Variants in SUCLG2 observed in about 807,000 individuals in gnomAD.
The protein encoded by SUCLG2 is succinate-CoA ligase GDP-forming subunit beta, also known as succinate--CoA ligase [GDP-forming] subunit beta, mitochondrial.
A neutral mutation model predicts 47.9 loss-of-function variants in SUCLG2; 42 were observed. The ratio of observed to expected loss-of-function variants is 0.88; its 90% CI spans 0.69 to 1.14. The LOEUF (loss-of-function observed/expected upper bound fraction) is 1.14. Ranked by LOEUF, SUCLG2 falls within the 50% of genes most tolerant of loss-of-function variation. The pLI is 0.00. For synonymous variants in SUCLG2, 195 were observed against 197.3 expected, an observed-to-expected ratio of 0.99 and a Z score of 0.10; for missense variants, 571 against 525.9, an observed-to-expected ratio of 1.09 and a Z score of -0.84.
At chr3:67,462,251 T>C (rs2106960382) in intron 9 of SUCLG2, among the ~76,000 whole-genome samples, 1 of 152,190 alleles carries the variant, frequency 6.6e-6, no homozygotes, top group South Asian at 2.1e-4. Context: ...ACTAAAAATA[T>C]ACTCTAATCT....
intron 4 of SUCLG2, among the ~76,000 whole-genome samples, chr3:67,522,602 C>G (rs544789372): frequency 6.6e-6 from 1 of 151,822 alleles, no homozygotes; most frequent in South Asian, 2.1e-4. Context: ...TAAAAACAAT[C>G]CCATAAATAA....
intron 9 of SUCLG2, among the ~76,000 whole-genome samples, chr3:67,410,644 C>A (rs1347609910): frequency 6.6e-6 from 1 of 151,742 alleles, no homozygotes; most frequent in Non-Finnish European, 1.5e-5. Context: ...CATGCAAAAA[C>A]TACCATAATG....
intron 2 of SUCLG2, among the ~76,000 whole-genome samples, chr3:67,529,609 G>T (rs1016780277): frequency 1.2e-4 from 18 of 152,352 alleles, no homozygotes; most frequent in African/African-American, 4.3e-4. Flanking sequence ...GGATTATGCG[G>T]GGGAAGGTTT....
At chr3:67,536,447 G>A (rs1193108376) in intron 2 of SUCLG2, among the ~76,000 whole-genome samples, 2 of 152,134 alleles carry the variant, frequency 1.3e-5, no homozygotes, top group African/African-American at 2.4e-5. Flanking sequence ...CACAACTACT[G>A]TCCAGAATCT....
chr3:67,441,918 A>G lies in SUCLG2; in HGVS notation c.1063-41067T>C, dbSNP rs149572083. ...AAACACTTTGCCATCTTTCTTTCCC[A>G]TCAGTATCTTGTTCTGAAATATATA... On this transcript the variant is annotated intron_variant, in intron 9 of 10. Coordinates refer to ENST00000307227, the MANE Select transcript of SUCLG2 (RefSeq NM_003848.4). 1.9e-3 allele frequency among the ~76,000 whole-genome samples: 296 copies of G among 152,310 alleles called. 1 individual carries two copies. Among genetic ancestry groups the G allele is most frequent in the African/African-American group, 6.7e-3 (279 of 41,572 alleles).
chr3:67,652,160 G>GAA (rs778689684), intron 1 of SUCLG2, among the ~76,000 whole-genome samples: 3 of 99,326 alleles, frequency 3.0e-5, no homozygotes, highest in African/African-American at 7.4e-5. Flanking sequence ...CAGCAAAGGT[G>GAA]AAAAAAAAAA....
intron 1 of SUCLG2, among the ~76,000 whole-genome samples, chr3:67,611,448 C>T (rs1412818400): frequency 6.6e-6 from 1 of 152,132 alleles, no homozygotes; most frequent in Non-Finnish European, 1.5e-5. Flanking sequence ...AATGAACATA[C>T]TCAAAGGCTT....
intron 1 of SUCLG2, among the ~76,000 whole-genome samples, chr3:67,643,799 CCCAAGT>C (rs1329884451): frequency 6.6e-6 from 1 of 152,202 alleles, no homozygotes; most frequent in African/African-American, 2.4e-5. Context: ...GACTCAGCCT[CCCAAGT>C]AGCTGGAATT....
At chr3:67,612,606 T>A (rs1700550110) in intron 1 of SUCLG2, among the ~76,000 whole-genome samples, 1 of 152,224 alleles carries the variant, frequency 6.6e-6, no homozygotes, top group Non-Finnish European at 1.5e-5. Context: ...TCAGGAAATG[T>A]CAAGAATTAT....
chr3:67,649,971 T>C (rs1185199326), intron 1 of SUCLG2, among the ~76,000 whole-genome samples: 1 of 152,156 alleles, frequency 6.6e-6, no homozygotes, highest in Non-Finnish European at 1.5e-5. Flanking sequence ...GTCTGTGCAC[T>C]CAATCACTCA....
chr3:67,587,255 A>T (rs543165272), intron 2 of SUCLG2, among the ~76,000 whole-genome samples: 1 of 152,286 alleles, frequency 6.6e-6, no homozygotes, highest in Non-Finnish European at 1.5e-5. Context: ...ACTCATCTTA[A>T]AAATATTTAA....
At chr3:67,402,725 G>T (rs1702715192) in intron 9 of SUCLG2, among the ~76,000 whole-genome samples, 1 of 152,206 alleles carries the variant, frequency 6.6e-6, no homozygotes, top group African/African-American at 2.4e-5. Flanking sequence ...TGGCATTCTA[G>T]TAAAACACAC....
chr3:67,380,161 AG>A (rs2106765896), intron 10 of SUCLG2, among the ~76,000 whole-genome samples: 1 of 129,360 alleles, frequency 7.7e-6, no homozygotes, highest in South Asian at 2.5e-4. Context: ...TGCAATCAGG[AG>A]GGATTTTTTT....
At chr3:67,583,190 T>C (rs4380422) in intron 2 of SUCLG2, among the ~76,000 whole-genome samples, 142,713 of 151,960 alleles carry the variant, frequency 0.94, 67,656 homozygotes, top group South Asian at 1. Context: ...ACACCATCTC[T>C]GGCCATGCCA....
intron 4 of SUCLG2, among the ~76,000 whole-genome samples, chr3:67,524,575 T>C (rs1706204393): frequency 6.6e-6 from 1 of 152,150 alleles, no homozygotes; most frequent in Admixed American, 6.5e-5. Flanking sequence ...AAATATCTGA[T>C]GTGTATAAAT....
intron 10 of SUCLG2, among the ~76,000 whole-genome samples, chr3:67,368,869 G>C (rs1701910976): frequency 6.6e-6 from 1 of 152,126 alleles, no homozygotes; most frequent in African/African-American, 2.4e-5. Flanking sequence ...ACCTCCCAAA[G>C]TGCTGGGATT....
In SUCLG2 at chr3:67,609,616, G is replaced by C; in HGVS notation, c.85-20C>G. On this transcript the variant is annotated intron_variant, in intron 1 of 10. Coordinates refer to ENST00000307227, the MANE Select transcript of SUCLG2 (RefSeq NM_003848.4). Reference sequence around the variant, plus strand: ...AACTGCCTACAGAAATTGAAGGAGAGAGGTAAGAACATTCATTAATAGCAA... The same window carrying C: ...AACTGCCTACAGAAATTGAAGGAGACAGGTAAGAACATTCATTAATAGCAA... 6.2e-7 allele frequency: 1 copy of C among 1,609,400 alleles called. No individual in the cohort carries two copies. The highest frequency in any genetic ancestry group is 8.5e-7 in the Non-Finnish European group (1 of 1,178,148).
intron 1 of SUCLG2, among the ~76,000 whole-genome samples, chr3:67,626,180 G>T (rs1700825941): frequency 6.6e-6 from 1 of 151,974 alleles, no homozygotes; most frequent in South Asian, 2.1e-4. Flanking sequence ...TTTTACTAGA[G>T]ACGGGGTTTC....
chr3:67,465,737 C>T (rs1704454158), intron 9 of SUCLG2, among the ~76,000 whole-genome samples: 1 of 152,194 alleles, frequency 6.6e-6, no homozygotes, highest in Admixed American at 6.5e-5. Flanking sequence ...AAAGGGATTT[C>T]TGCTGATAAA....
Sources: gnomAD v4.1 joint callset for allele counts (sites outside exome capture counted in the v4.1 genomes callset) on GRCh38, gnomAD v4.1.1 for gene constraint, MANE v1.5 for transcripts, NCBI Gene and HGNC (gene_info 2026-07-23, HGNC 2026-07-21) for gene names.